Variants in NEBL observed in about 807,000 individuals in gnomAD.
NEBL encodes nebulette.
In NEBL, 122 loss-of-function variants were observed where a neutral mutation model predicts 140.2. The observed-to-expected ratio is 0.87, with a 90% CI of 0.75 to 1.01. NEBL has a LOEUF of 1.01. Ranked by LOEUF, NEBL falls within the 50% of genes least tolerant of loss-of-function variation. The pLI is 0.00. For synonymous variants in NEBL, 436 were observed against 398.9 expected (o/e 1.09, Z -1.11); for missense variants, 1,365 against 1,231.3 (o/e 1.11, Z -1.62).
chr10:21,235,686 A>G (rs1842339078), intron 3 of NEBL, among the ~76,000 whole-genome samples: 1 of 152,228 alleles, frequency 6.6e-6, no homozygotes, highest in Admixed American at 6.5e-5. Flanking sequence ...CATTGGGGGC[A>G]GCAGATTAAC....
chr10:21,250,540 G>C lies in NEBL; in HGVS notation n.279+1192C>G, dbSNP rs1842574590. On this transcript the variant is annotated intron_variant and non_coding_transcript_variant, in intron 2 of 8. Transcript: ENST00000675702. ...ATCCTGTTAGTTCCATCCCTCTAGA[G>C]AACCCTAATACAATTTATGTTTCCT... 2.0e-5 allele frequency among the ~76,000 whole-genome samples: 3 copies of C among 152,022 alleles called. No homozygotes were observed. The South Asian group carries it at 6.2e-4, about 31-fold the overall frequency.
intron 2 of NEBL, among the ~76,000 whole-genome samples, chr10:21,132,878 A>G (rs1447851236): frequency 6.6e-6 from 1 of 152,208 alleles, no homozygotes; most frequent in East Asian, 1.9e-4. Context: ...TCTGGGTACT[A>G]GTTCTTTATC....
chr10:20,931,451 T>C (rs1834178746), intron 4 of NEBL, among the ~76,000 whole-genome samples: 1 of 152,144 alleles, frequency 6.6e-6, no homozygotes, highest in South Asian at 2.1e-4. Context: ...CAAATCAGAA[T>C]TGAAAACATA....
At chr10:21,205,743 G>T (rs1466076956) in intron 3 of NEBL, among the ~76,000 whole-genome samples, 1 of 152,038 alleles carries the variant, frequency 6.6e-6, no homozygotes, top group East Asian at 1.9e-4. Flanking sequence ...ATTTATGATT[G>T]CTCTATAATA....
chr10:21,181,068 C>A (rs1019691616), intron 3 of NEBL, among the ~76,000 whole-genome samples: 1 of 151,928 alleles, frequency 6.6e-6, no homozygotes, highest in Non-Finnish European at 1.5e-5. Context: ...TCAAGACAAA[C>A]CTGACCAACA....
At chr10:21,262,878 A>C (rs1409453382) in intron 1 of NEBL, among the ~76,000 whole-genome samples, 1 of 152,124 alleles carries the variant, frequency 6.6e-6, no homozygotes, top group Non-Finnish European at 1.5e-5. Flanking sequence ...TCTAAATAGC[A>C]CGTTTGTAGA....
chr10:21,143,898 A>G (rs1229830684), intron 2 of NEBL, among the ~76,000 whole-genome samples: 1 of 152,230 alleles, frequency 6.6e-6, no homozygotes, highest in Non-Finnish European at 1.5e-5. Flanking sequence ...AGACCATTCC[A>G]GAAAAACTTT....
chr10:20,919,126 T>A (rs1833455283), intron 4 of NEBL, among the ~76,000 whole-genome samples: 1 of 152,204 alleles, frequency 6.6e-6, no homozygotes, highest in East Asian at 1.9e-4. Context: ...TCCTAAAAAT[T>A]CAAAACTAAA....
At chr10:21,119,542 T>C (rs1164297723) in intron 2 of NEBL, among the ~76,000 whole-genome samples, 1 of 150,254 alleles carries the variant, frequency 6.7e-6, no homozygotes, top group Non-Finnish European at 1.5e-5. Context: ...ATAACATATA[T>C]AACATTTATT....
Position 21,222,123 on chromosome 10 carries a change from A to G in NEBL, n.348+25798T>C, listed in dbSNP as rs114826882. Among the ~76,000 whole-genome samples, 1,486 of 152,124 alleles carry G rather than the reference A, an allele frequency of 9.8e-3. 26 individuals carry two copies. Among genetic ancestry groups the G allele is most frequent in the African/African-American group, 0.032 (1,338 of 41,498 alleles). On this transcript the variant is annotated intron_variant and non_coding_transcript_variant, in intron 3 of 8. Coordinates refer to the NEBL transcript ENST00000675702. ...AGTTTATATTTTGAAATTATGGTATACCCAAAATGAAGAGGTGCTTTCAAA... is the reference window on the plus strand; with the variant it reads ...AGTTTATATTTTGAAATTATGGTATGCCCAAAATGAAGAGGTGCTTTCAAA...
chr10:21,184,264 A>G (rs1564538777), intron 3 of NEBL, among the ~76,000 whole-genome samples: 2 of 152,234 alleles, frequency 1.3e-5, no homozygotes, highest in South Asian at 2.1e-4. Flanking sequence ...CTTGTCTCAG[A>G]TAATGCAACA....
Position 20,827,411 on chromosome 10 carries a change from T to G in NEBL, c.1777-872A>C, listed in dbSNP as rs527439289. 3.9e-5 allele frequency among the ~76,000 whole-genome samples: 6 copies of G among 152,306 alleles called. No individual in the cohort carries two copies. The South Asian group carries it at 1.2e-3, about 32-fold the overall frequency. On this transcript the variant is annotated intron_variant, in intron 17 of 27. Coordinates refer to ENST00000377122, the MANE Select transcript of NEBL (RefSeq NM_006393.3). ...AGACCCAGCAGACATCTGACCAGCTTACTCTGAGAGCTGGCGCTTGCCAAC... is the reference window on the plus strand; with the variant it reads ...AGACCCAGCAGACATCTGACCAGCTGACTCTGAGAGCTGGCGCTTGCCAAC...
At chr10:21,208,862 G>T (rs895977674) in intron 3 of NEBL, among the ~76,000 whole-genome samples, 10 of 152,256 alleles carry the variant, frequency 6.6e-5, no homozygotes, top group African/African-American at 2.4e-4. Flanking sequence ...AGAACAGTTT[G>T]GTAAACAACC....
intron 3 of NEBL, among the ~76,000 whole-genome samples, chr10:20,991,915 G>A (rs1837472782): frequency 6.6e-6 from 1 of 152,130 alleles, no homozygotes; most frequent in Non-Finnish European, 1.5e-5. Context: ...ATGACCTCCA[G>A]CTGCATCCAT....
chr10:21,017,041 G>C (rs1237070903), intron 3 of NEBL, among the ~76,000 whole-genome samples: 1 of 152,204 alleles, frequency 6.6e-6, no homozygotes, highest in Non-Finnish European at 1.5e-5. Flanking sequence ...CTCTGAGCAA[G>C]GGGACCAGGG....
rs187678332 is a variant in NEBL, at chr10:21,263,786, G to A, written n.183-11958C>T. ...TCAAGACCAGCCTGGGCAACATGGC[G>A]AAACCCCGTCTCTACTAAAAATACA... On this transcript the variant is annotated intron_variant and non_coding_transcript_variant, in intron 1 of 8. Transcript: ENST00000675702. Among the ~76,000 whole-genome samples the A allele has an allele frequency of 5.8e-3, 878 of 152,164 alleles. 5 individuals are homozygous for A. The highest frequency in any genetic ancestry group is 0.02 in the African/African-American group (826 of 41,502).
At chr10:21,156,801 G>T (rs564314713) in intron 2 of NEBL, among the ~76,000 whole-genome samples, 1 of 152,062 alleles carries the variant, frequency 6.6e-6, no homozygotes, top group African/African-American at 2.4e-5. Flanking sequence ...ATCCTAAATC[G>T]TAGGAATATT....
chr10:21,177,677 C>T (rs1265979181), upstream of NEBL, among the ~76,000 whole-genome samples: 4 of 151,844 alleles, frequency 2.6e-5, no homozygotes, highest in African/African-American at 9.7e-5. Context: ...CTACAGGTGC[C>T]CACCACCACG....
chr10:21,242,289 A>T (rs992331463), intron 3 of NEBL, among the ~76,000 whole-genome samples: 3 of 152,236 alleles, frequency 2.0e-5, no homozygotes, highest in Non-Finnish European at 4.4e-5. Flanking sequence ...CTATGCAGCC[A>T]TAAAAAGAAT....
Sources: allele counts gnomAD v4.1 joint callset (sites outside exome capture counted in the v4.1 genomes callset), GRCh38; gene constraint gnomAD v4.1.1; transcripts MANE v1.5; gene names NCBI Gene and HGNC (gene_info 2026-07-23, HGNC 2026-07-21).